The following TUBGCP3 variants were observed in gnomAD, a reference collection of about 807,000 sequenced individuals.
The protein encoded by TUBGCP3 is gamma-tubulin complex component 3.
A neutral mutation model predicts 123.1 loss-of-function variants in TUBGCP3; 50 were observed. The ratio of observed to expected loss-of-function variants is 0.41; its 90% confidence interval spans 0.32 to 0.51. The LOEUF (loss-of-function observed/expected upper bound fraction) is 0.51, where lower values mean the gene tolerates loss of function less well. TUBGCP3 is among the 20% of genes least tolerant of loss of function. TUBGCP3 has a pLI of 0.36. For synonymous variants in TUBGCP3, 405 were observed against 413.9 expected (o/e 0.98, Z 0.26); for missense variants, 882 against 1,127.0 (o/e 0.78, Z 3.11).
chr13:112,516,097 G>A (rs1414323305), intron 17 of TUBGCP3, among the ~76,000 whole-genome samples: 1 of 151,958 alleles, frequency 6.6e-6, no homozygotes, highest in Admixed American at 6.5e-5. Flanking sequence ...TATAGTTTTA[G>A]ATTGTTTTAA....
chr13:112,578,113 G>A (rs1407703052), intron 1 of TUBGCP3, among the ~76,000 whole-genome samples: 1 of 152,096 alleles, frequency 6.6e-6, no homozygotes, highest in African/African-American at 2.4e-5. Context: ...GCTAAAGGGC[G>A]GAAGGCTACC....
intron 1 of TUBGCP3, chr13:112,587,145 C>A (rs562031738): frequency 7.9e-5 from 12 of 152,328 alleles, no homozygotes; most frequent in African/African-American, 2.9e-4. Flanking sequence ...CTCTGCCCCA[C>A]CAACCTGGCC....
At chr13:112,586,412 T>C (rs1477178632) in intron 1 of TUBGCP3, among the ~76,000 whole-genome samples, 1 of 152,174 alleles carries the variant, frequency 6.6e-6, no homozygotes, top group Non-Finnish European at 1.5e-5. Flanking sequence ...GGGTAAGTCC[T>C]AACAATCTTA....
At position 112,486,897 on chromosome 13, in the gene TUBGCP3, G is replaced by A. The variant is rs560872725; in HGVS notation, c.2566-746C>T. ...CAGAGAAAACTCACTGAGGCACTGC[G>A]TCCTCACCAAGCCCCGCCCAAGTCT... On this transcript the variant is annotated intron_variant, in intron 21 of 21. Coordinates refer to ENST00000261965, the MANE Select transcript of TUBGCP3 (RefSeq NM_006322.6). Among the ~76,000 whole-genome samples, 8 of 152,322 alleles carry A rather than the reference G, an allele frequency of 5.3e-5. No homozygotes were observed. The East Asian group carries it at 1.3e-3, about 26-fold the overall frequency.
chr13:112,495,838 G>GC (rs1880493207), intron 20 of TUBGCP3, among the ~76,000 whole-genome samples: 1 of 152,164 alleles, frequency 6.6e-6, no homozygotes. Flanking sequence ...ACCTAACTGT[G>GC]CAGTGAGTTG....
rs571392072 is a variant in TUBGCP3, at chr13:112,553,870, G to A, written c.966+187C>T. ...CCAGCAGTTCCTGAGCCAACCTGCTGTATTCAGTGTCCTCATCAGCACCTA... is the reference window on the plus strand; with the variant it reads ...CCAGCAGTTCCTGAGCCAACCTGCTATATTCAGTGTCCTCATCAGCACCTA... On this transcript the variant is annotated intron_variant, in intron 8 of 21. Coordinates refer to ENST00000261965, the MANE Select transcript of TUBGCP3 (RefSeq NM_006322.6). Among the ~76,000 whole-genome samples, 6 of 152,336 alleles carry A rather than the reference G, an allele frequency of 3.9e-5. 1 individual carries two copies. Among genetic ancestry groups the A allele is most frequent in the African/African-American group, 1.4e-4 (6 of 41,568 alleles).
At chr13:112,517,052 C>G (rs530756896) in intron 16 of TUBGCP3, among the ~76,000 whole-genome samples, 1 of 152,000 alleles carries the variant, frequency 6.6e-6, no homozygotes, top group African/African-American at 2.4e-5. Flanking sequence ...AGTCTCACTC[C>G]GTCACCCAGG....
the TUBGCP3 span, chr13:112,604,845 A>G: frequency 5.9e-5 from 9 of 152,218 alleles, no homozygotes; most frequent in Admixed American, 5.2e-4. Flanking sequence ...ATATTTTTCT[A>G]TGTCATCAAA....
intron 17 of TUBGCP3, among the ~76,000 whole-genome samples, chr13:112,506,421 G>T (rs185044504): frequency 7.7e-4 from 117 of 152,284 alleles, no homozygotes; most frequent in Middle Eastern, 3.4e-3. Context: ...AATCCTCAGC[G>T]CTCCTTACAT....
At chr13:112,563,642 T>A (rs1172232975) in intron 3 of TUBGCP3, among the ~76,000 whole-genome samples, 1 of 147,910 alleles carries the variant, frequency 6.8e-6, no homozygotes, top group African/African-American at 2.5e-5. Context: ...GACGGACAGA[T>A]CACGAAGTCA....
At chr13:112,578,782 A>G (rs962157977) in intron 1 of TUBGCP3, among the ~76,000 whole-genome samples, 6 of 151,936 alleles carry the variant, frequency 3.9e-5, no homozygotes, top group African/African-American at 1.5e-4. Context: ...GGCCCCCTGG[A>G]CCCACTTTCG....
At chr13:112,598,982 A>T in the TUBGCP3 span, among the ~76,000 whole-genome samples, 10 of 149,746 alleles carry the variant, frequency 6.7e-5, no homozygotes, top group Middle Eastern at 3.2e-3. Context: ...TAGACAATAA[A>T]AGGTTTCTAT....
chr13:112,544,714 T>A (rs771308118), intron 11 of TUBGCP3: 3 of 152,230 alleles, frequency 2.0e-5, no homozygotes, highest in Non-Finnish European at 4.4e-5. Context: ...GGGAAAGTGC[T>A]ACAAGACAGG....
At chr13:112,602,780 C>T in the TUBGCP3 span, 2 of 152,172 alleles carry the variant, frequency 1.3e-5, no homozygotes, top group Non-Finnish European at 2.9e-5. Flanking sequence ...ACAGATGAGT[C>T]TGTATAATTT....
At chr13:112,569,583 C>T (rs17121271) in intron 1 of TUBGCP3, among the ~76,000 whole-genome samples, 18,332 of 151,948 alleles carry the variant, frequency 0.12, 1,703 homozygotes, top group African/African-American at 0.26. Flanking sequence ...AAGAGGAGGC[C>T]GGGTCAAGAG....
intron 3 of TUBGCP3, among the ~76,000 whole-genome samples, chr13:112,563,275 G>A (rs903448606): frequency 6.6e-6 from 1 of 152,142 alleles, no homozygotes; most frequent in Non-Finnish European, 1.5e-5. Context: ...CCCTAACTAA[G>A]ACAAGATAAA....
chr13:112,600,129 A>C, the TUBGCP3 span, among the ~76,000 whole-genome samples: 1 of 152,148 alleles, frequency 6.6e-6, no homozygotes, highest in Non-Finnish European at 1.5e-5. Flanking sequence ...CGCTGGTGGG[A>C]TGCTGCGGTA....
At chr13:112,597,802 A>C in the TUBGCP3 span, among the ~76,000 whole-genome samples, 2 of 152,202 alleles carry the variant, frequency 1.3e-5, no homozygotes, top group African/African-American at 4.8e-5. Context: ...AAGAATATGA[A>C]ATACATAGGG....
chr13:112,553,773 G>A (rs996845081), intron 8 of TUBGCP3, among the ~76,000 whole-genome samples: 31 of 152,334 alleles, frequency 2.0e-4, no homozygotes, highest in African/African-American at 6.7e-4. Flanking sequence ...CCCTTCGAGC[G>A]TTTGGAATCG....
Sources: allele counts gnomAD v4.1 joint callset (sites outside exome capture counted in the v4.1 genomes callset), GRCh38; gene constraint gnomAD v4.1.1; transcripts MANE v1.5; gene names NCBI Gene and HGNC (gene_info 2026-07-23, HGNC 2026-07-21).